Variants in SHOC1 observed in about 807,000 individuals in gnomAD.
SHOC1 encodes the protein protein shortage in chiasmata 1 ortholog.
In SHOC1, 136 loss-of-function variants were observed where a neutral mutation model predicts 179.2. That is an observed-to-expected ratio of 0.76 (90% CI 0.66 to 0.87). The LOEUF (loss-of-function observed/expected upper bound fraction) is 0.87, where lower values mean the gene tolerates loss of function less well. Among genes scored for constraint, SHOC1 ranks in the 40% least tolerant of loss-of-function variants. The probability of loss-of-function intolerance (pLI) is 0.00; values close to 1 mark genes in which losing one functional copy is unlikely to be tolerated. For synonymous variants in SHOC1, 489 were observed against 586.6 expected (o/e 0.83, Z 2.41); for missense variants, 1,538 against 1,700.8 (o/e 0.90, Z 1.68).
chr9:111,758,381 A>G (rs1170902712), intron 6 of SHOC1, among the ~76,000 whole-genome samples, 186 bp from the exon 7 acceptor site: 2 of 152,192 alleles, frequency 1.3e-5, no homozygotes, highest in African/African-American at 4.8e-5. Flanking sequence ...GGATCACCTG[A>G]GGTCAGGAGT....
intron 11 of SHOC1, among the ~76,000 whole-genome samples, chr9:111,740,127 CAA>C (rs1266481835): frequency 1.3e-5 from 2 of 152,090 alleles, no homozygotes; most frequent in East Asian, 3.9e-4. Context: ...TAGAAATATG[CAA>C]ATTTATTCGG....
Position 111,780,793 on chromosome 9 carries a change from AG to A in SHOC1, c.257+136del, listed in dbSNP as rs1836008002. ...TAACCACTCCTTTGTGGTTCAAATT[AG>A]GACCTTTTCTTCAGATAAAAGAAGA... is the stretch of plus-strand genomic sequence containing the variant. On this transcript the variant is annotated intron_variant, in intron 4 of 27. Transcript: ENST00000682961. 5.3e-6 allele frequency: 3 copies of A among 562,874 alleles called. No individual in the cohort carries two copies. In the Admixed American group the frequency reaches 1.1e-4, roughly 20 times the overall value. 34.9% of individuals were successfully genotyped at this position (562,874 alleles called of 1,614,324 possible).
intron 27 of SHOC1, among the ~76,000 whole-genome samples, 165 bp from the exon 28 acceptor site, chr9:111,687,035 C>T (rs1831206169): frequency 6.6e-6 from 1 of 151,104 alleles, no homozygotes; most frequent in Non-Finnish European, 1.5e-5. Flanking sequence ...CAACATCTGC[C>T]TCCTGGGTTC....
rs749847678 is a variant in SHOC1 at position 111,738,442 on chromosome 9, C to T, written c.1255G>A (p.Val419Met). The change falls in exon 12 of 28, where the codon GTG becomes ATG. Residue 419 changes from valine to methionine, a missense_variant. Coordinates refer to ENST00000682961, the MANE Select transcript of SHOC1 (RefSeq NM_001378211.1). ...KIFSVKEESL[V>M]INLEKAEWWK... ...CACTCTGCCTTTTCCAGATTAATCACAAGGCTTTCTTCTTTAACAGAAAAT... is the reference window on the plus strand; with the variant it reads ...CACTCTGCCTTTTCCAGATTAATCATAAGGCTTTCTTCTTTAACAGAAAAT... 10 of 1,610,718 alleles carry T rather than the reference C, an allele frequency of 6.2e-6. No homozygotes were observed. The South Asian group carries it at 1.1e-4, about 18-fold the overall frequency.
intron 24 of SHOC1, among the ~76,000 whole-genome samples, chr9:111,698,012 T>C (rs1402928636): frequency 6.6e-6 from 1 of 152,228 alleles, no homozygotes; most frequent in East Asian, 1.9e-4. Flanking sequence ...TCTGTTCATA[T>C]CTGTTGCCCA....
chr9:111,691,455 TAGTAATTA>T, intron 27 of SHOC1, 88 bp downstream of exon 27: 1 of 1,168,628 alleles, frequency 8.6e-7, no homozygotes. Flanking sequence ...TTTTTAAATG[TAGTAATTA>T]AAACAAAAAA....
chr9:111,702,493 G>A (rs1031051427), intron 22 of SHOC1, among the ~76,000 whole-genome samples: 1 of 152,190 alleles, frequency 6.6e-6, no homozygotes, highest in Non-Finnish European at 1.5e-5. Context: ...CCTATGGAGT[G>A]CCCCTAGTTT....
At chr9:111,729,102 T>TG (rs1167399296) in intron 12 of SHOC1, among the ~76,000 whole-genome samples, 1 of 145,510 alleles carries the variant, frequency 6.9e-6, no homozygotes. Flanking sequence ...TTTGCAAAGG[T>TG]GGGGGGTTCT....
intron 5 of SHOC1, among the ~76,000 whole-genome samples, chr9:111,774,329 C>G (rs1402195614): frequency 6.6e-6 from 1 of 152,188 alleles, no homozygotes; most frequent in Non-Finnish European, 1.5e-5. Context: ...GACAGGGTCT[C>G]ACTCTGTCAC....
At chr9:111,703,483 C>T (rs1229757576) in intron 22 of SHOC1, among the ~76,000 whole-genome samples, 1 of 152,080 alleles carries the variant, frequency 6.6e-6, no homozygotes, top group Non-Finnish European at 1.5e-5. Flanking sequence ...AGAGACAACT[C>T]CTGTTTACAC....
intron 5 of SHOC1, among the ~76,000 whole-genome samples, chr9:111,770,779 C>T (rs1835571955): frequency 6.6e-6 from 1 of 152,162 alleles, no homozygotes; most frequent in East Asian, 1.9e-4. Flanking sequence ...TCATGATCAT[C>T]TTTGTCTCTT....
chr9:111,719,655 C>A (rs1285678652), intron 15 of SHOC1, among the ~76,000 whole-genome samples: 2 of 152,214 alleles, frequency 1.3e-5, no homozygotes, highest in Admixed American at 6.5e-5. Context: ...AATGCCAGCT[C>A]CCCAAAGTGT....
chr9:111,697,659 C>CA (rs553933737), intron 24 of SHOC1, among the ~76,000 whole-genome samples: 178 of 152,304 alleles, frequency 1.2e-3, no homozygotes, highest in African/African-American at 4.2e-3. Context: ...CATACGTGTG[C>CA]ATATGTCTTT....
rs1278140778 is a variant in SHOC1 at position 111,686,717 on chromosome 9, G to A, written c.*53C>T. On this transcript the variant is annotated 3_prime_UTR_variant, in exon 28 of 28. Transcript: ENST00000682961. ...GCAAATCTAAATAATTGCGCTAGTG[G>A]ATTAGCATCAAAAACAGTGGAATAT... The A allele has an allele frequency of 1.8e-6, 2 of 1,127,194 alleles. No homozygotes were observed. Among genetic ancestry groups the A allele is most frequent in the Non-Finnish European group, 2.7e-6 (2 of 743,086 alleles). 69.8% of individuals were successfully genotyped at this position (1,127,194 alleles called of 1,614,324 possible). A position where few individuals can be genotyped will look rare whatever the true frequency, so the allele number is the denominator to read the frequency against.
intron 6 of SHOC1, 81 bp downstream of exon 6, chr9:111,758,614 G>GATA: frequency 7.9e-7 from 1 of 1,269,570 alleles, no homozygotes; most frequent in Non-Finnish European, 1.1e-6. Context: ...AAACATTGTT[G>GATA]ATAACATCTA....
intron 3 of SHOC1, among the ~76,000 whole-genome samples, chr9:111,781,738 A>AATTAATTAATTAATTAATT (rs1836057974): frequency 8.9e-6 from 1 of 112,516 alleles, no homozygotes; most frequent in African/African-American, 3.1e-5. Context: ...ATAAATAAAT[A>AATTAATTAATTAATTAATT]AATAAATAAA....
intron 18 of SHOC1, among the ~76,000 whole-genome samples, chr9:111,710,337 G>A (rs1832484524): frequency 6.6e-6 from 1 of 152,100 alleles, no homozygotes; most frequent in East Asian, 1.9e-4. Flanking sequence ...GACTCTGCTT[G>A]AGAGACCTTT....
intron 11 of SHOC1, among the ~76,000 whole-genome samples, chr9:111,738,736 GATTT>G (rs1252459656): frequency 6.6e-6 from 1 of 152,004 alleles, no homozygotes; most frequent in Non-Finnish European, 1.5e-5. Context: ...TCACATAAAG[GATTT>G]ATTTCACTCT....
chr9:111,735,154 A>G (rs1833758838), intron 12 of SHOC1, among the ~76,000 whole-genome samples: 1 of 151,632 alleles, frequency 6.6e-6, no homozygotes. Flanking sequence ...ATTCTTCTTT[A>G]TGGTTGGGTA....
Sources: allele counts gnomAD v4.1 joint callset (sites outside exome capture counted in the v4.1 genomes callset), GRCh38; gene constraint gnomAD v4.1.1; transcripts MANE v1.5; gene names NCBI Gene and HGNC (gene_info 2026-07-23, HGNC 2026-07-21).